Variants in KIAA1217 observed in about 807,000 individuals in gnomAD.
KIAA1217 encodes the protein sickle tail protein homolog.
A neutral mutation model predicts 163.9 loss-of-function variants in KIAA1217; 88 were observed. That is an observed-to-expected ratio of 0.54 (90% CI 0.45 to 0.64). The LOEUF is 0.64. Ranked by LOEUF, KIAA1217 falls within the 30% of genes least tolerant of loss-of-function variation. The pLI is 0.00. For synonymous variants in KIAA1217, 903 were observed against 923.1 expected (o/e 0.98, Z 0.39); for missense variants, 2,372 against 2,475.0 (o/e 0.96, Z 0.88).
At chr10:24,433,219 T>G in intron 4 of KIAA1217, 26 bp downstream of exon 4, 5 of 1,571,278 alleles carry the variant, frequency 3.2e-6, no homozygotes, top group Non-Finnish European at 4.3e-6. Context: ...ATTTTTTGCC[T>G]GCCATTTTGC....
intron 2 of KIAA1217, among the ~76,000 whole-genome samples, chr10:24,297,754 T>C (rs749745785): frequency 5.2e-4 from 79 of 151,990 alleles, no homozygotes; most frequent in Non-Finnish European, 1.0e-3. Context: ...AGACTCTGTC[T>C]CAAAAAATAA....
intron 2 of KIAA1217, among the ~76,000 whole-genome samples, chr10:24,055,148 T>C (rs1188234351): frequency 4.6e-5 from 7 of 152,092 alleles, no homozygotes; most frequent in Admixed American, 2.6e-4. Flanking sequence ...GCACCTGTAC[T>C]TTCAGCTACT....
In KIAA1217 at chr10:24,362,451, C is replaced by T. The variant is rs140998245; in HGVS notation, c.355-18418C>T. Among the ~76,000 whole-genome samples the T allele has an allele frequency of 3.3e-5, 5 of 152,228 alleles. No individual in the cohort carries two copies. In the East Asian group the frequency reaches 9.6e-4, roughly 29 times the overall value. On this transcript the variant is annotated intron_variant, in intron 2 of 20. Coordinates refer to ENST00000376454, the MANE Select transcript of KIAA1217 (RefSeq NM_019590.5). ...AGAAGAAGAAAAGGAAATGTGCTTC[C>T]ACAGATTTAGAAACATAAGTAACAA...
intron 1 of KIAA1217, among the ~76,000 whole-genome samples, chr10:23,907,251 G>A (rs1842198656): frequency 6.6e-6 from 1 of 151,548 alleles, no homozygotes; most frequent in Admixed American, 6.6e-5. Context: ...TTTGAGGGCT[G>A]TATTAGTCAG....
chr10:24,538,732 GT>G lies in KIAA1217; in HGVS notation c.3534+1857del, dbSNP rs756717624. 6.3e-4 allele frequency among the ~76,000 whole-genome samples: 55 copies of G among 87,748 alleles called. No homozygotes were observed. In the East Asian group the frequency reaches 9.3e-3, roughly 15 times the overall value. 57.6% of individuals were successfully genotyped at this position (87,748 alleles called of 152,430 possible). ...AATATATTGATTTTTATTGTTTTTG[GT>G]TTTTTTTTTTTTTTTTTGTGAGACC... On this transcript the variant is annotated intron_variant, in intron 17 of 20. Transcript: ENST00000376454.
In KIAA1217 at chr10:24,433,140, C is replaced by G; in HGVS notation, c.699C>G (p.Ala233=). The part of the protein sequence containing the change: ...TMKMLESPSV[A]IYIKDESRNV... ...AAATGCTGGAATCGCCCAGTGTCGC[C>G]ATTTACATCAAAGATGAAAGCAGAA... The change falls in exon 4 of 21, where the codon GCC becomes GCG. Residue 233 remains alanine, a synonymous_variant. Coordinates refer to ENST00000376454, the MANE Select transcript of KIAA1217 (RefSeq NM_019590.5). The G allele has an allele frequency of 6.2e-7, 1 of 1,614,046 alleles. No homozygotes were observed. Among genetic ancestry groups the G allele is most frequent in the Non-Finnish European group, 8.5e-7 (1 of 1,180,010 alleles).
chr10:23,892,204 A>G (rs557544149), intron 1 of KIAA1217, among the ~76,000 whole-genome samples: 1 of 152,110 alleles, frequency 6.6e-6, no homozygotes, highest in Non-Finnish European at 1.5e-5. Flanking sequence ...AGAAGGGAAA[A>G]TCATTATTAA....
chr10:24,315,102 G>A (rs1011577910), intron 2 of KIAA1217, among the ~76,000 whole-genome samples: 1 of 152,132 alleles, frequency 6.6e-6, no homozygotes, highest in African/African-American at 2.4e-5. Flanking sequence ...GGTTGAAGCG[G>A]AGGACAGAGG....
intron 2 of KIAA1217, among the ~76,000 whole-genome samples, chr10:24,202,129 A>G (rs954729): frequency 0.63 from 96,472 of 152,146 alleles, 30,808 homozygotes; most frequent in Middle Eastern, 0.73. Flanking sequence ...TTCATTCTGT[A>G]ACATCTGTGT....
intron 1 of KIAA1217, among the ~76,000 whole-genome samples, chr10:23,884,258 C>T (rs1012811283): frequency 6.6e-6 from 1 of 151,956 alleles, no homozygotes; most frequent in Non-Finnish European, 1.5e-5. Context: ...TGCTCCACAT[C>T]CCCACCAGCA....
rs374169799 is a variant in KIAA1217 at position 24,274,248 on chromosome 10, A to G, written c.354+54339A>G. 1.2e-4 allele frequency among the ~76,000 whole-genome samples: 19 copies of G among 152,306 alleles called. 1 individual carries two copies. The highest frequency in any genetic ancestry group is 9.8e-4 in the Admixed American group (15 of 15,300). ...TGGCCAGGCACAATGGCTCACACCT[A>G]TAATCCCAGCATTTTGGGAGACTTG... On this transcript the variant is annotated intron_variant, in intron 2 of 20. Transcript: ENST00000376454.
chr10:24,345,231 C>T (rs767159442), intron 2 of KIAA1217, among the ~76,000 whole-genome samples: 5 of 152,170 alleles, frequency 3.3e-5, no homozygotes, highest in South Asian at 2.1e-4. Flanking sequence ...GTAGAAGCCA[C>T]GGCAGATCAT....
chr10:24,389,496 C>T (rs1194173213), intron 3 of KIAA1217, among the ~76,000 whole-genome samples: 1 of 151,492 alleles, frequency 6.6e-6, no homozygotes, highest in Non-Finnish European at 1.5e-5. Context: ...CACATGTATA[C>T]ATATGTAACA....
At chr10:24,244,877 C>T (rs1333249558) in intron 2 of KIAA1217, among the ~76,000 whole-genome samples, 2 of 152,064 alleles carry the variant, frequency 1.3e-5, no homozygotes, top group South Asian at 2.1e-4. Context: ...CTTATCCTAA[C>T]GGCAGGAAGC....
In KIAA1217 at chr10:23,790,032, C is replaced by G. The variant is rs1331405449; in HGVS notation, c.-321+94798C>G. Among the ~76,000 whole-genome samples, 7 of 121,292 alleles carry G rather than the reference C, an allele frequency of 5.8e-5. 1 individual carries two copies. The highest frequency in any genetic ancestry group is 1.1e-4 in the Non-Finnish European group (7 of 61,078). 79.6% of individuals were successfully genotyped at this position (121,292 alleles called of 152,430 possible). A position where few individuals can be genotyped will look rare whatever the true frequency, so the allele number is the denominator to read the frequency against. On this transcript the variant is annotated intron_variant, in intron 1 of 18. Transcript: ENST00000376462. Reference sequence around the variant, plus strand: ...ATACACATATACACATATGCATATACACATATACATATGCATATACACATA... The same window carrying G: ...ATACACATATACACATATGCATATAGACATATACATATGCATATACACATA...
chr10:24,268,737 C>T (rs1378083713), intron 2 of KIAA1217, among the ~76,000 whole-genome samples: 1 of 112,556 alleles, frequency 8.9e-6, no homozygotes, highest in Non-Finnish European at 1.8e-5. Context: ...ATAAATCATG[C>T]TGCTATAAAG....
intron 3 of KIAA1217, among the ~76,000 whole-genome samples, chr10:24,420,373 T>C (rs2058635539): frequency 6.6e-6 from 1 of 152,228 alleles, no homozygotes; most frequent in South Asian, 2.1e-4. Context: ...ATTGTCTATT[T>C]TCTTATTGCT....
chr10:23,954,932 A>C (rs1589137695), intron 1 of KIAA1217, among the ~76,000 whole-genome samples: 1 of 152,286 alleles, frequency 6.6e-6, no homozygotes, highest in East Asian at 1.9e-4. Flanking sequence ...CTGAGTTTGA[A>C]TCTTGGCTTT....
chr10:24,500,876 T>G (rs937732315), intron 8 of KIAA1217, among the ~76,000 whole-genome samples: 12 of 152,080 alleles, frequency 7.9e-5, no homozygotes, highest in African/African-American at 2.9e-4. Context: ...TGAGCCCAGG[T>G]GTTCGAGACC....
Sources: allele counts gnomAD v4.1 joint callset (sites outside exome capture counted in the v4.1 genomes callset), GRCh38; gene constraint gnomAD v4.1.1; transcripts MANE v1.5; gene names NCBI Gene and HGNC (gene_info 2026-07-23, HGNC 2026-07-21).